The following ZNF407 variants were observed in gnomAD, a reference collection of about 807,000 sequenced individuals.
The protein encoded by ZNF407 is zinc finger protein 407.
A neutral mutation model predicts 131.2 loss-of-function variants in ZNF407; 17 were observed. The ratio of observed to expected loss-of-function variants is 0.13; its 90% CI spans 0.09 to 0.19. ZNF407 has a LOEUF of 0.19. ZNF407 is among the 10% of genes least tolerant of loss of function. The pLI is 1.00. For missense variants in ZNF407, 2,681 were observed against 2,830.6 expected (o/e 0.95, Z 1.20); for synonymous variants, 1,156 against 1,062.0 (o/e 1.09, Z -1.72).
intron 8 of ZNF407, among the ~76,000 whole-genome samples, chr18:75,030,384 C>T (rs1248667977): frequency 6.6e-6 from 1 of 152,158 alleles, no homozygotes; most frequent in Non-Finnish European, 1.5e-5. Flanking sequence ...ATGGCTTTCA[C>T]AGATTCTGTC....
intron 4 of ZNF407, among the ~76,000 whole-genome samples, chr18:74,832,454 T>C (rs143777787): frequency 1.6e-3 from 245 of 152,210 alleles, no homozygotes; most frequent in Middle Eastern, 0.014. Context: ...TTGGTTTTTT[T>C]TTTCTTTTTG....
intron 4 of ZNF407, among the ~76,000 whole-genome samples, chr18:74,805,082 T>A (rs1297537346): frequency 6.6e-6 from 1 of 152,238 alleles, no homozygotes; most frequent in Non-Finnish European, 1.5e-5. Context: ...TGACCTCTTT[T>A]TTCCCCCCAT....
chr18:74,917,056 TTC>T lies in ZNF407; in HGVS notation c.5250-3456_5250-3455del, dbSNP rs1187837327. ...AAGAAGGGTGACAACGGCACGAGAGTTCTTTTTTGTTTGTTTTTGTTTTAGTG... is the reference window on the plus strand; with the variant it reads ...AAGAAGGGTGACAACGGCACGAGAGTTTTTTTGTTTGTTTTTGTTTTAGTG... On this transcript the variant is annotated intron_variant, in intron 7 of 8. Coordinates refer to ENST00000299687, the MANE Select transcript of ZNF407 (RefSeq NM_017757.3). Among the ~76,000 whole-genome samples, 10 of 151,976 alleles carry T rather than the reference TTC, an allele frequency of 6.6e-5. No homozygotes were observed. The East Asian group carries it at 1.7e-3, about 26-fold the overall frequency.
chr18:74,626,411 C>T (rs555221893), intron 1 of ZNF407, among the ~76,000 whole-genome samples: 29 of 152,312 alleles, frequency 1.9e-4, no homozygotes, highest in Non-Finnish European at 3.2e-4. Context: ...CATGGATATT[C>T]TTGCTCAAGT....
At chr18:74,719,960 G>C (rs924789745) in intron 3 of ZNF407, among the ~76,000 whole-genome samples, 1 of 152,150 alleles carries the variant, frequency 6.6e-6, no homozygotes, top group Admixed American at 6.5e-5. Flanking sequence ...TAAACATGGC[G>C]GTGCTGATGT....
At chr18:74,905,590 A>G (rs1971585236) in intron 7 of ZNF407, 2 of 152,380 alleles carry the variant, frequency 1.3e-5, no homozygotes, top group Admixed American at 1.3e-4. Flanking sequence ...TCTTTCTCTT[A>G]TGAGGCACTG....
chr18:74,839,790 C>G (rs1970607016), intron 4 of ZNF407, among the ~76,000 whole-genome samples: 2 of 151,646 alleles, frequency 1.3e-5, no homozygotes, highest in African/African-American at 4.9e-5. Context: ...GAAGATTTTA[C>G]CAAGAGATTA....
chr18:74,782,763 C>T (rs1308598145), intron 4 of ZNF407, among the ~76,000 whole-genome samples: 2 of 152,060 alleles, frequency 1.3e-5, no homozygotes, highest in African/African-American at 2.4e-5. Flanking sequence ...GGACTATAGG[C>T]ACCCGCCACC....
intron 4 of ZNF407, among the ~76,000 whole-genome samples, chr18:74,831,781 A>G (rs1214809222): frequency 6.6e-6 from 1 of 151,204 alleles, no homozygotes; most frequent in Non-Finnish European, 1.5e-5. Context: ...GAGTGTGGGG[A>G]CCTCTCCATA....
intron 8 of ZNF407, among the ~76,000 whole-genome samples, chr18:74,985,740 T>A (rs1972645328): frequency 6.6e-6 from 1 of 152,154 alleles, no homozygotes; most frequent in Non-Finnish European, 1.5e-5. Context: ...GCCTGTTGCT[T>A]TGGGCCATTG....
intron 8 of ZNF407, among the ~76,000 whole-genome samples, chr18:75,044,416 G>A (rs903728711): frequency 6.6e-6 from 1 of 151,816 alleles, no homozygotes; most frequent in Non-Finnish European, 1.5e-5. Context: ...CTCCTTGGCG[G>A]TTCTAGCTTA....
At chr18:74,998,222 T>A (rs1972801850) in intron 8 of ZNF407, among the ~76,000 whole-genome samples, 1 of 152,202 alleles carries the variant, frequency 6.6e-6, no homozygotes, top group Non-Finnish European at 1.5e-5. Flanking sequence ...CAGAGAGAGT[T>A]TTAATTCCTT....
Position 75,030,754 on chromosome 18 carries a change from C to T in ZNF407, c.5429-32396C>T, listed in dbSNP as rs1021099653. Among the ~76,000 whole-genome samples the T allele has an allele frequency of 2.6e-5, 4 of 152,110 alleles. No homozygotes were observed. In the East Asian group the frequency reaches 5.8e-4, roughly 22 times the overall value. On this transcript the variant is annotated intron_variant, in intron 8 of 8. Transcript: ENST00000299687. ...TTTTAACAGAGTAGGGAAGGCCTTC[C>T]GAGAAGACAGTGGGGTAGGAAGAGC...
intron 3 of ZNF407, among the ~76,000 whole-genome samples, chr18:74,762,378 T>G (rs915029199): frequency 3.9e-5 from 6 of 152,188 alleles, no homozygotes; most frequent in African/African-American, 1.2e-4. Flanking sequence ...GGACTTCCTA[T>G]TGTAAATGTC....
intron 3 of ZNF407, among the ~76,000 whole-genome samples, chr18:74,724,160 A>G (rs1376585428): frequency 6.6e-6 from 1 of 152,134 alleles, no homozygotes; most frequent in East Asian, 1.9e-4. Context: ...AGACAACTGA[A>G]TGTATTGTAC....
At chr18:74,773,833 C>T (rs1315943217) in intron 3 of ZNF407, among the ~76,000 whole-genome samples, 2 of 152,170 alleles carry the variant, frequency 1.3e-5, no homozygotes, top group Non-Finnish European at 2.9e-5. Context: ...TATTTCCTAG[C>T]TTTGTGGATT....
chr18:74,736,843 T>C (rs1177833108), intron 3 of ZNF407, among the ~76,000 whole-genome samples: 2 of 152,218 alleles, frequency 1.3e-5, no homozygotes, highest in African/African-American at 2.4e-5. Flanking sequence ...CATATAGTGA[T>C]GGGTCCTATT....
chr18:74,884,148 G>A (rs902356153), intron 6 of ZNF407, among the ~76,000 whole-genome samples: 32 of 152,144 alleles, frequency 2.1e-4, no homozygotes, highest in Admixed American at 2.0e-4. Context: ...TTCATATAAT[G>A]TATGTCATCT....
intron 3 of ZNF407, among the ~76,000 whole-genome samples, chr18:74,723,507 G>C (rs549662816): frequency 6.6e-6 from 1 of 152,294 alleles, no homozygotes; most frequent in South Asian, 2.1e-4. Context: ...TCAGCTGCTT[G>C]TATCTCATTT....
Sources: gnomAD v4.1 joint callset for allele counts (sites outside exome capture counted in the v4.1 genomes callset) on GRCh38, gnomAD v4.1.1 for gene constraint, MANE v1.5 for transcripts, NCBI Gene and HGNC (gene_info 2026-07-23, HGNC 2026-07-21) for gene names.